DISP1: variants seen among roughly 807,000 people sequenced by gnomAD.
The protein encoded by DISP1 is dispatched RND transporter family member 1, also known as protein dispatched homolog 1.
In DISP1, 30 loss-of-function variants were observed where a neutral mutation model predicts 37.3. The ratio of observed to expected loss-of-function variants is 0.80; its 90% CI spans 0.60 to 1.09. DISP1 has a LOEUF of 1.09. Ranked by LOEUF, DISP1 falls within the 50% of genes least tolerant of loss-of-function variation. The pLI is 0.00. For missense variants in DISP1, 1,598 were observed against 1,879.5 expected (o/e 0.85, Z 2.77); for synonymous variants, 634 against 690.2 (o/e 0.92, Z 1.28).
chr1:222,952,580 A>C (rs929965181), intron 3 of DISP1, among the ~76,000 whole-genome samples: 1 of 152,342 alleles, frequency 6.6e-6, no homozygotes, highest in East Asian at 1.9e-4. Context: ...AGCTGTGCGC[A>C]GTGGCTCAAG....
chr1:222,847,759 G>A (rs2125303026), intron 1 of DISP1, among the ~76,000 whole-genome samples: 1 of 152,212 alleles, frequency 6.6e-6, no homozygotes, highest in East Asian at 1.9e-4. Context: ...AAGGATAAAA[G>A]GGAAGGGAGA....
chr1:222,856,706 G>GTTTTT (rs11441357), intron 1 of DISP1, among the ~76,000 whole-genome samples: 8 of 132,028 alleles, frequency 6.1e-5, no homozygotes, highest in Non-Finnish European at 8.0e-5. Context: ...ATTATAATTC[G>GTTTTT]TTTTTTTTTT....
At chr1:222,892,295 A>G (rs904096365) in intron 1 of DISP1, among the ~76,000 whole-genome samples, 2 of 152,222 alleles carry the variant, frequency 1.3e-5, no homozygotes, top group African/African-American at 4.8e-5. Flanking sequence ...GGGAAGCTGG[A>G]GAGGAACACA....
intron 2 of DISP1, among the ~76,000 whole-genome samples, chr1:222,941,875 T>A (rs1472593790): frequency 6.6e-6 from 1 of 152,128 alleles, no homozygotes; most frequent in African/African-American, 2.4e-5. Flanking sequence ...GTTGTTGGCT[T>A]TTATGTATAT....
At chr1:222,873,201 G>A (rs1307847394) in intron 1 of DISP1, among the ~76,000 whole-genome samples, 1 of 152,086 alleles carries the variant, frequency 6.6e-6, no homozygotes, top group Non-Finnish European at 1.5e-5. Context: ...CAATTATGTG[G>A]TCAATTTTGG....
At position 222,959,708 on chromosome 1, in the gene DISP1, A is replaced by AAC. The variant is rs1553336055; in HGVS notation, c.509+16377_509+16378insCA. Among the ~76,000 whole-genome samples, 147 of 149,942 alleles carry AAC rather than the reference A, an allele frequency of 9.8e-4. 2 individuals carry two copies. Among genetic ancestry groups the AAC allele is most frequent in the African/African-American group, 3.4e-3 (136 of 40,238 alleles). On this transcript the variant is annotated intron_variant, in intron 3 of 8. Transcript: ENST00000675850. ...AGAGCAAAACTCTGTCTCAAAAAAA[A>AAC]AAAAAAAAGAAAGAAAAGAAAAGAA...
intron 1 of DISP1, among the ~76,000 whole-genome samples, chr1:222,833,445 T>G (rs1387381422): frequency 1.3e-5 from 2 of 152,220 alleles, no homozygotes; most frequent in African/African-American, 4.8e-5. Context: ...TATTTATTAC[T>G]ATAAACTAAC....
chr1:222,918,561 G>A (rs1192218771), intron 1 of DISP1, among the ~76,000 whole-genome samples: 3 of 152,174 alleles, frequency 2.0e-5, no homozygotes, highest in East Asian at 3.9e-4. Context: ...GGATTTGGAA[G>A]TACAACTACA....
At chr1:222,872,594 T>C (rs1669656328) in intron 1 of DISP1, among the ~76,000 whole-genome samples, 1 of 152,232 alleles carries the variant, frequency 6.6e-6, no homozygotes, top group Admixed American at 6.5e-5. Flanking sequence ...GATGGTAGTT[T>C]GTATTTCTGT....
intron 1 of DISP1, among the ~76,000 whole-genome samples, chr1:222,885,755 C>A (rs561643032): frequency 1.1e-4 from 16 of 152,042 alleles, no homozygotes; most frequent in Non-Finnish European, 1.9e-4. Flanking sequence ...GCTTCCTGCT[C>A]CTTGGTGTCA....
At chr1:222,979,181 G>C (rs1246745255) in intron 3 of DISP1, among the ~76,000 whole-genome samples, 1 of 152,192 alleles carries the variant, frequency 6.6e-6, no homozygotes, top group Non-Finnish European at 1.5e-5. Context: ...GCCTGGGCGA[G>C]AGTGTCACTT....
At chr1:222,853,289 T>C (rs190855404) in intron 1 of DISP1, among the ~76,000 whole-genome samples, 3 of 152,280 alleles carry the variant, frequency 2.0e-5, no homozygotes, top group African/African-American at 4.8e-5. Flanking sequence ...AGGGAACTTA[T>C]ATGTTAGTGG....
At position 222,966,219 on chromosome 1, in the gene DISP1, G is replaced by A. The variant is rs1676477338; in HGVS notation, c.510-16861G>A. Among the ~76,000 whole-genome samples, 3 of 152,096 alleles carry A rather than the reference G, an allele frequency of 2.0e-5. No homozygotes were observed. The South Asian group carries it at 6.2e-4, about 32-fold the overall frequency. The stretch of plus-strand genomic sequence containing the variant: ...AACTAGATATTGTTGATTCAGGTGG[G>A]AACTCAAACTTGGAAAGAAACTAAA... On this transcript the variant is annotated intron_variant, in intron 3 of 8. Coordinates refer to ENST00000675850, the MANE Select transcript of DISP1 (RefSeq NM_001377229.1).
At chr1:222,856,967 G>A (rs181744934) in intron 1 of DISP1, among the ~76,000 whole-genome samples, 20 of 152,182 alleles carry the variant, frequency 1.3e-4, no homozygotes, top group African/African-American at 4.3e-4. Context: ...GCCTCCCAAA[G>A]AGCTGGGATT....
intron 1 of DISP1, among the ~76,000 whole-genome samples, chr1:222,911,594 T>G (rs563989279): frequency 5.9e-5 from 9 of 152,242 alleles, no homozygotes; most frequent in African/African-American, 1.4e-4. Flanking sequence ...AGCCTCAAAC[T>G]CCCAGGAATT....
At chr1:222,851,799 G>A (rs9441848) in intron 1 of DISP1, among the ~76,000 whole-genome samples, 29,320 of 145,428 alleles carry the variant, frequency 0.2, 3,432 homozygotes, top group Non-Finnish European at 0.26. Flanking sequence ...TTCCATTTCT[G>A]TGTGAAATAT....
chr1:222,846,748 T>A (rs1379451176), intron 1 of DISP1, among the ~76,000 whole-genome samples: 4 of 152,262 alleles, frequency 2.6e-5, no homozygotes, highest in Non-Finnish European at 5.9e-5. Context: ...TTGTGATGAA[T>A]GGAGAAGAGT....
At chr1:222,832,757 G>A (rs577107894) in intron 1 of DISP1, among the ~76,000 whole-genome samples, 1 of 151,944 alleles carries the variant, frequency 6.6e-6, no homozygotes, top group Non-Finnish European at 1.5e-5. Context: ...TCAGCCAGGC[G>A]TGGTGGCTCA....
intron 1 of DISP1, among the ~76,000 whole-genome samples, chr1:222,819,676 G>C (rs1662298608): frequency 6.6e-6 from 1 of 151,666 alleles, no homozygotes; most frequent in Non-Finnish European, 1.5e-5. Context: ...GAGTAGCTGA[G>C]ATTACAGGCA....
Sources: allele counts gnomAD v4.1 joint callset (sites outside exome capture counted in the v4.1 genomes callset), GRCh38; gene constraint gnomAD v4.1.1; transcripts MANE v1.5; gene names NCBI Gene and HGNC (gene_info 2026-07-23, HGNC 2026-07-21).